DCLK1: variants seen among roughly 807,000 people sequenced by gnomAD.
DCLK1 encodes the protein doublecortin like kinase 1, also known as serine/threonine-protein kinase DCLK1.
Under a neutral mutation model 86.2 loss-of-function variants are expected in DCLK1, and 16 were observed. The observed-to-expected ratio is 0.19, with a 90% CI of 0.13 to 0.28. The LOEUF is 0.28. DCLK1 is among the 10% of genes least tolerant of loss of function. The probability of loss-of-function intolerance (pLI) is 1.00; values close to 1 mark genes in which losing one functional copy is unlikely to be tolerated. For missense variants in DCLK1, 590 were observed against 940.2 expected (o/e 0.63, Z 4.87); for synonymous variants, 369 against 370.5 (o/e 1.00, Z 0.05).
At chr13:35,984,518 A>G (rs962660279) in intron 3 of DCLK1, among the ~76,000 whole-genome samples, 4 of 152,172 alleles carry the variant, frequency 2.6e-5, no homozygotes, top group South Asian at 2.1e-4. Context: ...GCAGCAAACT[A>G]TCAACTTTGG....
chr13:35,862,782 T>G (rs1871498741), intron 5 of DCLK1, among the ~76,000 whole-genome samples: 1 of 152,214 alleles, frequency 6.6e-6, no homozygotes, highest in South Asian at 2.1e-4. Flanking sequence ...CTCCTGGCCC[T>G]TTTTTACATC....
chr13:36,111,086 G>A (rs1423949193), intron 3 of DCLK1, among the ~76,000 whole-genome samples: 2 of 151,634 alleles, frequency 1.3e-5, no homozygotes, highest in Admixed American at 1.3e-4. Flanking sequence ...CGCCTGCCTC[G>A]GCCTCCCAAA....
intron 8 of DCLK1, among the ~76,000 whole-genome samples, chr13:35,835,240 C>A (rs1036679530): frequency 1.3e-5 from 2 of 152,030 alleles, no homozygotes; most frequent in Admixed American, 6.5e-5. Context: ...AGTGTGTACC[C>A]CCCAGTCCAG....
At chr13:35,942,590 G>A (rs1245378460) in intron 4 of DCLK1, among the ~76,000 whole-genome samples, 2 of 152,106 alleles carry the variant, frequency 1.3e-5, no homozygotes, top group Admixed American at 1.3e-4. Context: ...TTCCTTCAGG[G>A]GCCTGATGGG....
chr13:35,922,880 CT>C (rs1875879434), intron 4 of DCLK1, among the ~76,000 whole-genome samples: 2 of 152,142 alleles, frequency 1.3e-5, no homozygotes, highest in Non-Finnish European at 2.9e-5. Flanking sequence ...TCTAAGCCCC[CT>C]GCCATCCCTG....
chr13:36,121,107 C>A (rs1010734433), intron 2 of DCLK1, among the ~76,000 whole-genome samples: 3 of 152,038 alleles, frequency 2.0e-5, no homozygotes, highest in African/African-American at 7.2e-5. Flanking sequence ...TTGAACACAA[C>A]CTAAAAGCAT....
chr13:35,988,947 C>T (rs1466695301), intron 3 of DCLK1, among the ~76,000 whole-genome samples: 1 of 152,096 alleles, frequency 6.6e-6, no homozygotes, highest in Non-Finnish European at 1.5e-5. Context: ...CCATGAAGGA[C>T]GCAAACTCCA....
chr13:35,819,321 C>A (rs2087340547), intron 11 of DCLK1, among the ~76,000 whole-genome samples: 1 of 152,094 alleles, frequency 6.6e-6, no homozygotes, highest in African/African-American at 2.4e-5. Flanking sequence ...TTAACCCAAC[C>A]AAACACTAGA....
rs562727580 is a variant in DCLK1 at position 36,112,284 on chromosome 13, C to G, written c.377-69G>C. ...CCATTTCTTTTTTCCTACTTATCCT[C>G]TCTTTTGCCTTTTCTGCTTAGGGGC... On this transcript the variant is annotated intron_variant, in intron 2 of 16. Transcript: ENST00000360631. 2.6e-5 allele frequency: 32 copies of G among 1,254,776 alleles called. No homozygotes were observed. The Middle Eastern group carries it at 1.1e-3, about 45-fold the overall frequency. 77.7% of individuals were successfully genotyped at this position (1,254,776 alleles called of 1,614,324 possible).
At chr13:35,808,990 G>C in intron 13 of DCLK1, 28 bp downstream of exon 13, 1 of 1,600,048 alleles carries the variant, frequency 6.2e-7, no homozygotes, top group Non-Finnish European at 8.6e-7. Context: ...TGCTTTGTCG[G>C]CGCTGAATAA....
chr13:35,915,020 G>A (rs1271210556), intron 4 of DCLK1, among the ~76,000 whole-genome samples: 3 of 152,170 alleles, frequency 2.0e-5, no homozygotes, highest in African/African-American at 4.8e-5. Context: ...AACATTTATT[G>A]TTGCATTATG....
At chr13:35,945,059 C>T (rs1179491640) in intron 4 of DCLK1, among the ~76,000 whole-genome samples, 2 of 152,152 alleles carry the variant, frequency 1.3e-5, no homozygotes, top group South Asian at 2.1e-4. Context: ...CACCACCATG[C>T]CTGGCTAATT....
intron 8 of DCLK1, among the ~76,000 whole-genome samples, chr13:35,835,336 AG>A (rs1290840319): frequency 1.3e-5 from 2 of 152,154 alleles, no homozygotes; most frequent in Admixed American, 1.3e-4. Flanking sequence ...AGCCCTGAGG[AG>A]AAGCTGCTGG....
chr13:35,957,745 T>C (rs2153135948), intron 3 of DCLK1, among the ~76,000 whole-genome samples: 1 of 152,316 alleles, frequency 6.6e-6, no homozygotes, highest in East Asian at 1.9e-4. Flanking sequence ...AGTCTGTTGC[T>C]TTAAATATTT....
In DCLK1 at chr13:36,060,276, G is replaced by A. The variant is rs538560083; in HGVS notation, c.723+51593C>T. On this transcript the variant is annotated intron_variant, in intron 3 of 16. Coordinates refer to ENST00000360631, the MANE Select transcript of DCLK1 (RefSeq NM_001330071.2). ...TTCCATTTTCTTAGTATAACAAAAT[G>A]CCTATTAATCAACAATTCATTCAAT... is the stretch of plus-strand genomic sequence containing the variant. Among the ~76,000 whole-genome samples, 181 of 152,240 alleles carry A rather than the reference G, an allele frequency of 1.2e-3. 2 individuals are homozygous for A. In the Middle Eastern group the frequency reaches 0.024, roughly 20 times the overall value.
intron 6 of DCLK1, chr13:35,847,263 ACTGCTTTTTAATTTAAACAT>A: frequency 1.0e-6 from 1 of 985,258 alleles, no homozygotes; most frequent in African/African-American, 1.7e-5. Context: ...AGTTGAGCAA[ACTGCTTTTTAATTTAAACAT>A]GCCCCAACTA....
At chr13:35,920,157 T>C (rs1165473722) in intron 4 of DCLK1, among the ~76,000 whole-genome samples, 1 of 152,252 alleles carries the variant, frequency 6.6e-6, no homozygotes, top group Non-Finnish European at 1.5e-5. Flanking sequence ...TAAATGTATA[T>C]GGACATCTCT....
intron 3 of DCLK1, among the ~76,000 whole-genome samples, chr13:36,024,784 A>G (rs2153151598): frequency 6.6e-6 from 1 of 152,256 alleles, no homozygotes; most frequent in African/African-American, 2.4e-5. Context: ...AGCCAAAACA[A>G]TCCCGAGAAA....
intron 16 of DCLK1, among the ~76,000 whole-genome samples, chr13:35,778,227 C>G (rs2086459665): frequency 6.6e-6 from 1 of 152,168 alleles, no homozygotes; most frequent in Non-Finnish European, 1.5e-5. Context: ...CTACAAGGTC[C>G]AATTTATTTA....
Sources: gnomAD v4.1 joint callset for allele counts (sites outside exome capture counted in the v4.1 genomes callset) on GRCh38, gnomAD v4.1.1 for gene constraint, MANE v1.5 for transcripts, NCBI Gene and HGNC (gene_info 2026-07-23, HGNC 2026-07-21) for gene names.